The following BTBD7 variants were observed in gnomAD, a reference collection of about 807,000 sequenced individuals.
BTBD7 encodes BTB domain containing 7, also known as BTB/POZ domain-containing protein 7.
A neutral mutation model predicts 99.9 loss-of-function variants in BTBD7; 38 were observed. That is an observed-to-expected ratio of 0.38 (90% confidence interval 0.29 to 0.50). The LOEUF (loss-of-function observed/expected upper bound fraction) is 0.50. Among genes scored for constraint, BTBD7 ranks in the 20% least tolerant of loss-of-function variants. The pLI, the probability that BTBD7 is intolerant of heterozygous loss-of-function variation, is 0.93. For missense variants in BTBD7, 1,170 were observed against 1,394.6 expected, an observed-to-expected ratio of 0.84 and a Z score of 2.57; for synonymous variants, 520 against 511.4, an observed-to-expected ratio of 1.02 and a Z score of -0.23.
chr14:93,331,555 A>C (rs1386421520), intron 1 of BTBD7, among the ~76,000 whole-genome samples: 1 of 152,184 alleles, frequency 6.6e-6, no homozygotes, highest in East Asian at 1.9e-4. Context: ...CAGCAATCTA[A>C]AGGAAACAGA....
chr14:93,312,621 C>CT (rs2053150754), intron 1 of BTBD7, among the ~76,000 whole-genome samples: 1 of 152,158 alleles, frequency 6.6e-6, no homozygotes, highest in Admixed American at 6.5e-5. Context: ...AGCCCCCAAC[C>CT]TGTCTCTTGG....
intron 1 of BTBD7, among the ~76,000 whole-genome samples, chr14:93,325,460 T>C (rs773719291): frequency 6.6e-5 from 10 of 152,004 alleles, no homozygotes; most frequent in Non-Finnish European, 1.2e-4. Flanking sequence ...CATAGTAATA[T>C]AGAGAATAGC....
At chr14:93,275,965 G>C (rs2139730230) in intron 3 of BTBD7, among the ~76,000 whole-genome samples, 1 of 152,328 alleles carries the variant, frequency 6.6e-6, no homozygotes, top group African/African-American at 2.4e-5. Context: ...TGTAGTCCCA[G>C]CACTTTGGGA....
At chr14:93,289,897 C>T (rs2052827216) in intron 3 of BTBD7, among the ~76,000 whole-genome samples, 1 of 147,958 alleles carries the variant, frequency 6.8e-6, no homozygotes, top group Non-Finnish European at 1.5e-5. Context: ...ACTCAGTTGC[C>T]CAGGCTTGGA....
intron 3 of BTBD7, among the ~76,000 whole-genome samples, chr14:93,273,857 T>C (rs2052626020): frequency 6.6e-6 from 1 of 151,316 alleles, no homozygotes; most frequent in South Asian, 2.1e-4. Flanking sequence ...ACCTAAAGAA[T>C]GGTAAGACCT....
intron 1 of BTBD7, among the ~76,000 whole-genome samples, chr14:93,305,482 C>T (rs189375315): frequency 2.1e-4 from 32 of 152,278 alleles, no homozygotes; most frequent in Non-Finnish European, 3.8e-4. Flanking sequence ...TTATGAAAAA[C>T]AAGAAGTAGA....
chr14:93,269,796 C>T (rs537762778), intron 3 of BTBD7, among the ~76,000 whole-genome samples: 1 of 152,238 alleles, frequency 6.6e-6, no homozygotes, highest in African/African-American at 2.4e-5. Context: ...GAGTCCCTTT[C>T]CTCTTTAGGG....
At chr14:93,302,497 T>A (rs917288662) in intron 1 of BTBD7, among the ~76,000 whole-genome samples, 1 of 152,126 alleles carries the variant, frequency 6.6e-6, no homozygotes, top group African/African-American at 2.4e-5. Context: ...TGAATGGTCA[T>A]ATCTCTAGCT....
At chr14:93,316,254 C>CTT (rs71129627) in intron 1 of BTBD7, among the ~76,000 whole-genome samples, 3 of 146,574 alleles carry the variant, frequency 2.0e-5, no homozygotes, top group Non-Finnish European at 1.5e-5. Flanking sequence ...CATGCCCAGT[C>CTT]TTTTTTTTTT....
In BTBD7 at chr14:93,332,954, C is replaced by T; in HGVS notation, c.-241G>A. On this transcript the variant is annotated 5_prime_UTR_variant, in exon 1 of 11. Transcript: ENST00000334746. ...CCTCCTCCCACCGCCGCCGCCGCCG[C>T]CCTCTCCTCTCCTGTCAGTGGCTCA... is the stretch of plus-strand genomic sequence containing the variant. 2.9e-6 allele frequency: 2 copies of T among 681,000 alleles called. No individual in the cohort carries two copies. Among genetic ancestry groups the T allele is most frequent in the South Asian group, 2.2e-5 (1 of 44,984 alleles). 42.2% of individuals were successfully genotyped at this position (681,000 alleles called of 1,614,324 possible). A position where few individuals can be genotyped will look rare whatever the true frequency, so the allele number is the denominator to read the frequency against.
chr14:93,279,570 CAG>C (rs1434034074), intron 3 of BTBD7, among the ~76,000 whole-genome samples: 2 of 152,086 alleles, frequency 1.3e-5, no homozygotes, highest in African/African-American at 4.8e-5. Context: ...TTCGTTGAGA[CAG>C]AGTCTCGCTC....
chr14:93,285,500 G>A (rs537007202), intron 3 of BTBD7, among the ~76,000 whole-genome samples: 4 of 152,330 alleles, frequency 2.6e-5, no homozygotes, highest in Middle Eastern at 3.4e-3. Flanking sequence ...GCAGTTTGAA[G>A]TCTACAGTAA....
intron 1 of BTBD7, among the ~76,000 whole-genome samples, chr14:93,303,316 ACTG>A (rs1490920331): frequency 1.3e-5 from 2 of 152,146 alleles, no homozygotes; most frequent in Non-Finnish European, 2.9e-5. Context: ...AATAATATGG[ACTG>A]CTGGTCAGGC....
chr14:93,257,113 G>A, intron 6 of BTBD7, 82 bp downstream of exon 6: 2 of 1,381,518 alleles, frequency 1.4e-6, no homozygotes, highest in Non-Finnish European at 2.0e-6. Context: ...TCTATTAGTA[G>A]CAGAAATTAT....
chr14:93,305,403 A>G (rs1316786587), intron 1 of BTBD7, among the ~76,000 whole-genome samples: 3 of 152,248 alleles, frequency 2.0e-5, no homozygotes, highest in Non-Finnish European at 1.5e-5. Context: ...AGTGGTTGTG[A>G]TGATGAACAA....
At position 93,314,881 on chromosome 14, in the gene BTBD7, C is replaced by G. The variant is rs184090789; in HGVS notation, c.-107+17939G>C. On this transcript the variant is annotated intron_variant, in intron 1 of 10. Transcript: ENST00000334746. The stretch of plus-strand genomic sequence containing the variant: ...AATTAATAAACTGATATTCATTAGT[C>G]CCCATGTTGCTTTATATTCTTTGCC... Among the ~76,000 whole-genome samples the G allele has an allele frequency of 1.1e-3, 169 of 152,242 alleles. 1 individual carries two copies. The highest frequency in any genetic ancestry group is 2.5e-4 in the Non-Finnish European group (17 of 68,006).
intron 3 of BTBD7, among the ~76,000 whole-genome samples, chr14:93,286,852 G>C (rs761385316): frequency 1.3e-5 from 2 of 152,144 alleles, no homozygotes; most frequent in Admixed American, 1.3e-4. Flanking sequence ...AGACTTCAAA[G>C]ATATGATAAA....
At chr14:93,281,414 G>A (rs906240973) in intron 3 of BTBD7, among the ~76,000 whole-genome samples, 1 of 152,186 alleles carries the variant, frequency 6.6e-6, no homozygotes, top group African/African-American at 2.4e-5. Flanking sequence ...TGGGATTACA[G>A]GCATGAGCCG....
At position 93,253,653 on chromosome 14, in the gene BTBD7, T is replaced by C; in HGVS notation, c.1746A>G (p.Glu582=). 1 of 1,609,538 alleles carries C rather than the reference T, an allele frequency of 6.2e-7. No homozygotes were observed. Among genetic ancestry groups the C allele is most frequent in the East Asian group, 2.2e-5 (1 of 44,858 alleles). ...RPRLFSPYVE[E]AKSVLDEMMV... ...TTCAAATGGTTTTCATTACCTTTGCTTCTTCCACATAGGGAGAGAAGAGTC... is the reference window on the plus strand; with the variant it reads ...TTCAAATGGTTTTCATTACCTTTGCCTCTTCCACATAGGGAGAGAAGAGTC... Residue 582 remains glutamate (E), a synonymous_variant, in exon 7 of 11, where the codon GAA becomes GAG. Transcript: ENST00000334746.
Sources: gnomAD v4.1 joint callset for allele counts (sites outside exome capture counted in the v4.1 genomes callset) on GRCh38, gnomAD v4.1.1 for gene constraint, MANE v1.5 for transcripts, NCBI Gene and HGNC (gene_info 2026-07-23, HGNC 2026-07-21) for gene names.